GHR: variants seen among roughly 807,000 people sequenced by gnomAD.
GHR encodes the protein GH receptor.
A neutral mutation model predicts 67.1 loss-of-function variants in GHR; 35 were observed. The ratio of observed to expected loss-of-function variants is 0.52; its 90% CI spans 0.40 to 0.69. GHR has a LOEUF of 0.69. Among genes scored for constraint, GHR ranks in the 30% least tolerant of loss-of-function variants. The pLI is 0.00. For synonymous variants in GHR, 272 were observed against 269.1 expected (o/e 1.01, Z -0.10); for missense variants, 792 against 764.6 (o/e 1.04, Z -0.42).
At chr5:42,652,456 G>T (rs1165373550) in intron 3 of GHR, among the ~76,000 whole-genome samples, 1 of 152,002 alleles carries the variant, frequency 6.6e-6, no homozygotes, top group Admixed American at 6.6e-5. Context: ...AGCCAAAATT[G>T]GTTACTGTGT....
intron 2 of GHR, among the ~76,000 whole-genome samples, chr5:42,601,087 C>T (rs1752357875): frequency 6.6e-6 from 1 of 151,788 alleles, no homozygotes; most frequent in Admixed American, 6.6e-5. Flanking sequence ...CCACCATGCT[C>T]AGCTAATTTT....
chr5:42,529,623 G>A (rs1579878171), intron 1 of GHR, among the ~76,000 whole-genome samples: 1 of 152,128 alleles, frequency 6.6e-6, no homozygotes, highest in East Asian at 1.9e-4. Context: ...AAAAGTAGAT[G>A]TTACACACCT....
intron 2 of GHR, among the ~76,000 whole-genome samples, chr5:42,612,486 T>C (rs937180881): frequency 6.6e-6 from 1 of 151,872 alleles, no homozygotes; most frequent in Admixed American, 6.6e-5. Context: ...TTAACTGTTG[T>C]TTTTTTTAAT....
intron 1 of GHR, among the ~76,000 whole-genome samples, chr5:42,446,021 C>T (rs35952587): frequency 3.5e-4 from 53 of 152,246 alleles, no homozygotes; most frequent in African/African-American, 1.3e-3. Flanking sequence ...CCCAGGAAAC[C>T]CATCTTTGTC....
chr5:42,656,255 CA>C (rs1755249760), intron 3 of GHR, among the ~76,000 whole-genome samples: 1 of 152,118 alleles, frequency 6.6e-6, no homozygotes, highest in African/African-American at 2.4e-5. Context: ...CTTACATGCT[CA>C]ATATTAGAAA....
intron 1 of GHR, among the ~76,000 whole-genome samples, chr5:42,519,582 A>G (rs1747385605): frequency 6.6e-6 from 1 of 152,226 alleles, no homozygotes. Flanking sequence ...CCAAGAGGCA[A>G]CTTTAGCTAC....
At chr5:42,486,782 G>A (rs1745902383) in intron 1 of GHR, among the ~76,000 whole-genome samples, 1 of 151,680 alleles carries the variant, frequency 6.6e-6, no homozygotes, top group Non-Finnish European at 1.5e-5. Flanking sequence ...AGGAGGCGGA[G>A]CTTGCAGTGA....
At chr5:42,596,010 G>A (rs1268448114) in intron 2 of GHR, among the ~76,000 whole-genome samples, 1 of 152,210 alleles carries the variant, frequency 6.6e-6, no homozygotes, top group Non-Finnish European at 1.5e-5. Context: ...TAAATTAGAA[G>A]GGAGAAAATA....
intron 2 of GHR, among the ~76,000 whole-genome samples, chr5:42,576,059 TAAAATAAAATAAAATAAAATAA>T: frequency 3.5e-5 from 2 of 56,800 alleles, no homozygotes; most frequent in African/African-American, 2.3e-4. Context: ...TAAAATAAAA[TAAAATAAAATAAAATAAAATAA>T]AATAAAATAA....
chr5:42,456,084 G>A (rs1020973630), intron 1 of GHR, among the ~76,000 whole-genome samples: 3 of 152,164 alleles, frequency 2.0e-5, no homozygotes, highest in Admixed American at 1.3e-4. Context: ...AGGCAGATAC[G>A]GGCAGATCAC....
chr5:42,663,624 C>T (rs1308506805), intron 3 of GHR, among the ~76,000 whole-genome samples: 1 of 152,020 alleles, frequency 6.6e-6, no homozygotes, highest in East Asian at 1.9e-4. Flanking sequence ...TATGACAAAC[C>T]CACAGCCAAT....
At chr5:42,562,644 CTTTTTTTTTTTTT>C (rs1212633265) in intron 1 of GHR, among the ~76,000 whole-genome samples, 3 of 77,730 alleles carry the variant, frequency 3.9e-5, no homozygotes, top group African/African-American at 1.7e-4. Flanking sequence ...GTTATAGTTC[CTTTTTTTTTTTTT>C]TTTTTTTTTT....
rs150634740 is a variant in GHR at position 42,635,011 on chromosome 5, A to C, written c.136+5908A>C. On this transcript the variant is annotated intron_variant, in intron 3 of 9. Transcript: ENST00000230882. Reference sequence around the variant, plus strand: ...GTCTTTATTGGTTACCAAAAACAAAAAAAAAAAAACTTGAGCTTTGGACAA... The same window carrying C: ...GTCTTTATTGGTTACCAAAAACAAACAAAAAAAAACTTGAGCTTTGGACAA... 2.2e-3 allele frequency among the ~76,000 whole-genome samples: 338 copies of C among 152,190 alleles called. 2 individuals are homozygous for C. The highest frequency in any genetic ancestry group is 7.5e-3 in the African/African-American group (313 of 41,520).
chr5:42,612,039 G>T (rs972947123), intron 2 of GHR, among the ~76,000 whole-genome samples: 1 of 152,134 alleles, frequency 6.6e-6, no homozygotes, highest in African/African-American at 2.4e-5. Context: ...ATTTTGGAAG[G>T]TTAGAGCTAT....
intron 3 of GHR, among the ~76,000 whole-genome samples, chr5:42,656,984 G>A (rs1580137285): frequency 1.3e-5 from 2 of 152,016 alleles, no homozygotes; most frequent in African/African-American, 2.4e-5. Context: ...TGCCTAGTCA[G>A]GGACCTTTCT....
chr5:42,682,987 CA>C (rs1189435677), intron 3 of GHR, among the ~76,000 whole-genome samples: 4 of 151,558 alleles, frequency 2.6e-5, no homozygotes, highest in East Asian at 1.9e-4. Flanking sequence ...TTCAGTTCCT[CA>C]AAGGTTTTTT....
At chr5:42,689,197 A>G (rs1208204931) in intron 4 of GHR, among the ~76,000 whole-genome samples, 178 bp downstream of exon 4, 1 of 152,194 alleles carries the variant, frequency 6.6e-6, no homozygotes, top group Non-Finnish European at 1.5e-5. Flanking sequence ...GCTGAGTACT[A>G]TTTTAGGCCC....
At chr5:42,519,789 G>A (rs1157834079) in intron 1 of GHR, among the ~76,000 whole-genome samples, 1 of 152,168 alleles carries the variant, frequency 6.6e-6, no homozygotes, top group African/African-American at 2.4e-5. Context: ...TTACAGCAGG[G>A]CCTAGGTCTG....
At chr5:42,579,994 TCCC>T (rs1222565921) in intron 2 of GHR, among the ~76,000 whole-genome samples, 2 of 151,984 alleles carry the variant, frequency 1.3e-5, no homozygotes, top group Admixed American at 6.6e-5. Flanking sequence ...TGTGAAAATT[TCCC>T]CCAATATTAG....
Sources: allele counts gnomAD v4.1 joint callset (sites outside exome capture counted in the v4.1 genomes callset), GRCh38; gene constraint gnomAD v4.1.1; transcripts MANE v1.5; gene names NCBI Gene and HGNC (gene_info 2026-07-23, HGNC 2026-07-21).